HAT1: variants seen among roughly 807,000 people sequenced by gnomAD.
HAT1 encodes histone acetyltransferase type B catalytic subunit.
In HAT1, 20 loss-of-function variants were observed where a neutral mutation model predicts 56.6. The ratio of observed to expected loss-of-function variants is 0.35; its 90% CI spans 0.25 to 0.51. The LOEUF (loss-of-function observed/expected upper bound fraction) is 0.51, where lower values mean the gene tolerates loss of function less well. Ranked by LOEUF, HAT1 falls within the 20% of genes least tolerant of loss-of-function variation. The pLI is 0.95. For synonymous variants in HAT1, 146 were observed against 165.5 expected, an observed-to-expected ratio of 0.88 and a Z score of 0.91; for missense variants, 408 against 504.3, an observed-to-expected ratio of 0.81 and a Z score of 1.83.
chr2:171,954,392 A>G (rs1687388504), intron 4 of HAT1, among the ~76,000 whole-genome samples: 1 of 152,210 alleles, frequency 6.6e-6, no homozygotes, highest in Admixed American at 6.5e-5. Flanking sequence ...ATAAAGGTAA[A>G]GAGAGAGATG....
At chr2:171,934,048 G>A (rs530078944) in intron 2 of HAT1, among the ~76,000 whole-genome samples, 40 of 152,260 alleles carry the variant, frequency 2.6e-4, no homozygotes, top group African/African-American at 8.4e-4. Context: ...TTGCAGCTCT[G>A]ATATTAGGTA....
At chr2:171,977,557 A>ATATATATATATATTATTTTT (rs1271452199) in intron 9 of HAT1, among the ~76,000 whole-genome samples, 1 of 16,358 alleles carries the variant, frequency 6.1e-5, no homozygotes, top group Admixed American at 1.1e-3. Flanking sequence ...ATATATATAT[A>ATATATATATATATTATTTTT]TTTTTTTTTT....
chr2:171,951,046 G>A (rs973612611), intron 3 of HAT1, among the ~76,000 whole-genome samples: 1 of 152,136 alleles, frequency 6.6e-6, no homozygotes, highest in Non-Finnish European at 1.5e-5. Flanking sequence ...CCTAACCTCA[G>A]ATGATCCACC....
intron 10 of HAT1, among the ~76,000 whole-genome samples, chr2:171,982,121 T>A (rs1466583561): frequency 6.6e-6 from 1 of 152,130 alleles, no homozygotes; most frequent in East Asian, 1.9e-4. Context: ...TAAGTGCAAG[T>A]ATTTTCTACT....
intron 4 of HAT1, among the ~76,000 whole-genome samples, chr2:171,956,348 A>G (rs1281479663): frequency 2.0e-5 from 3 of 151,784 alleles, no homozygotes; most frequent in Non-Finnish European, 4.4e-5. Context: ...GCACACACAC[A>G]CACGCTGACA....
intron 2 of HAT1, among the ~76,000 whole-genome samples, chr2:171,935,384 A>G (rs1481802967): frequency 6.6e-6 from 1 of 151,600 alleles, no homozygotes; most frequent in Non-Finnish European, 1.5e-5. Context: ...GCATGGTGGC[A>G]CATGCCTATA....
intron 8 of HAT1, among the ~76,000 whole-genome samples, chr2:171,970,760 C>T (rs1430998942): frequency 6.6e-6 from 1 of 150,692 alleles, no homozygotes. Flanking sequence ...CCTTGTGACC[C>T]TCCGGCCTCG....
intron 8 of HAT1, among the ~76,000 whole-genome samples, chr2:171,970,939 G>A (rs144879988): frequency 0.021 from 3,231 of 151,102 alleles, 57 homozygotes; most frequent in Non-Finnish European, 0.032. Context: ...CATGGCTCAC[G>A]CCTGTAATCC....
intron 2 of HAT1, among the ~76,000 whole-genome samples, chr2:171,943,747 A>ATG (rs1687087872): frequency 2.0e-5 from 3 of 149,526 alleles, no homozygotes; most frequent in African/African-American, 7.3e-5. Flanking sequence ...ATATATATAT[A>ATG]TATGTATCCA....
At chr2:171,944,250 C>T (rs1157517765) in intron 2 of HAT1, among the ~76,000 whole-genome samples, 1 of 152,016 alleles carries the variant, frequency 6.6e-6, no homozygotes, top group African/African-American at 2.4e-5. Flanking sequence ...AGTCCCTTTC[C>T]GTCCACATGC....
intron 8 of HAT1, among the ~76,000 whole-genome samples, chr2:171,971,993 C>T (rs559661474): frequency 2.5e-4 from 38 of 152,192 alleles, no homozygotes; most frequent in African/African-American, 9.1e-4. Context: ...GAGTGAGCAC[C>T]CAAGCAACAC....
At chr2:171,964,317 T>C (rs887136017) in intron 4 of HAT1, among the ~76,000 whole-genome samples, 1 of 152,196 alleles carries the variant, frequency 6.6e-6, no homozygotes, top group Non-Finnish European at 1.5e-5. Flanking sequence ...CACAAAGTGT[T>C]CTTGTGTCAG....
chr2:171,932,737 C>T (rs972603809), intron 2 of HAT1, among the ~76,000 whole-genome samples: 21 of 152,068 alleles, frequency 1.4e-4, no homozygotes, highest in Admixed American at 6.6e-4. Context: ...AGCATGGTGG[C>T]ATGCACCCAT....
At chr2:171,972,962 C>A (rs1013585322) in intron 8 of HAT1, among the ~76,000 whole-genome samples, 4 of 152,160 alleles carry the variant, frequency 2.6e-5, no homozygotes, top group Admixed American at 6.5e-5. Flanking sequence ...AGTTGTGTGA[C>A]CTTTCTGGTT....
rs989401692 is a variant in HAT1, at chr2:171,960,944, C to T, written c.310-4394C>T. Among the ~76,000 whole-genome samples the T allele has an allele frequency of 6.6e-5, 10 of 152,120 alleles. 1 individual carries two copies. The highest frequency in any genetic ancestry group is 2.6e-4 in the Admixed American group (4 of 15,274). On this transcript the variant is annotated intron_variant, in intron 4 of 10. Transcript: ENST00000264108. Reference sequence around the variant, plus strand: ...GTCACTTGAGGTCAGGAGTTTGAGACTAGCCTGGCCAACATGGTGAAACCT... The same window carrying T: ...GTCACTTGAGGTCAGGAGTTTGAGATTAGCCTGGCCAACATGGTGAAACCT...
chr2:171,926,417 C>G (rs1397886460), intron 2 of HAT1, among the ~76,000 whole-genome samples: 1 of 152,334 alleles, frequency 6.6e-6, no homozygotes, highest in South Asian at 2.1e-4. Context: ...CCTCAGCCTC[C>G]CGTGTAGCTG....
intron 8 of HAT1, among the ~76,000 whole-genome samples, chr2:171,970,430 T>G (rs369137246): frequency 7.1e-6 from 1 of 140,384 alleles, no homozygotes; most frequent in African/African-American, 2.7e-5. Context: ...CACACACACA[T>G]ACACACACAC....
chr2:171,977,557 A>ATATATATT (rs1271452199), intron 9 of HAT1, among the ~76,000 whole-genome samples: 5 of 16,356 alleles, frequency 3.1e-4, no homozygotes, highest in South Asian at 3.8e-3. Flanking sequence ...ATATATATAT[A>ATATATATT]TTTTTTTTTT....
intron 3 of HAT1, among the ~76,000 whole-genome samples, chr2:171,952,193 G>C (rs1045946298): frequency 6.6e-6 from 1 of 152,142 alleles, no homozygotes; most frequent in Admixed American, 6.5e-5. Flanking sequence ...TGCATTAATA[G>C]TCACTTTACC....
Sources: allele counts gnomAD v4.1 joint callset (sites outside exome capture counted in the v4.1 genomes callset), GRCh38; gene constraint gnomAD v4.1.1; transcripts MANE v1.5; gene names NCBI Gene and HGNC (gene_info 2026-07-23, HGNC 2026-07-21).